UGGT2: variants seen among roughly 807,000 people sequenced by gnomAD.
UGGT2 encodes UDP-glucose:glycoprotein glucosyltransferase 2.
UGGT2 carries 180 observed loss-of-function variants against 192.1 expected under a neutral mutation model. That is an observed-to-expected ratio of 0.94 (90% CI 0.83 to 1.06). The LOEUF is 1.06. Ranked by LOEUF, UGGT2 falls within the 50% of genes least tolerant of loss-of-function variation. UGGT2 has a pLI of 0.00. For missense variants in UGGT2, 1,849 were observed against 1,795.7 expected, an observed-to-expected ratio of 1.03 and a Z score of -0.54; for synonymous variants, 580 against 591.0, an observed-to-expected ratio of 0.98 and a Z score of 0.27.
chr13:95,826,906 TA>T (rs1479016267), intron 38 of UGGT2, among the ~76,000 whole-genome samples: 2 of 151,118 alleles, frequency 1.3e-5, no homozygotes, highest in Non-Finnish European at 3.0e-5. Context: ...AAAAGAAGAG[TA>T]ATAAGGAAAG....
At chr13:96,025,835 C>T (rs1176371883) in intron 2 of UGGT2, among the ~76,000 whole-genome samples, 1 of 151,864 alleles carries the variant, frequency 6.6e-6, no homozygotes, top group East Asian at 1.9e-4. Context: ...CTAGAAAATA[C>T]AGATTAAATT....
At chr13:95,949,207 C>T in intron 13 of UGGT2, 128 bp downstream of exon 13, 2 of 926,650 alleles carry the variant, frequency 2.2e-6, no homozygotes, top group Non-Finnish European at 2.9e-6. Context: ...GCCACCTAAG[C>T]TTGCTGCTTC....
At chr13:95,981,137 T>C (rs1367548555) in intron 10 of UGGT2, among the ~76,000 whole-genome samples, 2 of 152,226 alleles carry the variant, frequency 1.3e-5, no homozygotes, top group Non-Finnish European at 2.9e-5. Flanking sequence ...CCAGGAGCTC[T>C]GCAGTACCCC....
In UGGT2 at chr13:95,837,074, A is replaced by G. The variant is rs1887369869; in HGVS notation, c.4401+12T>C. 2 of 1,577,884 alleles carry G rather than the reference A, an allele frequency of 1.3e-6. No individual in the cohort carries two copies. Among genetic ancestry groups the G allele is most frequent in the African/African-American group, 1.3e-5 (1 of 74,168 alleles). On this transcript the variant is annotated intron_variant, in intron 37 of 38. Transcript: ENST00000376747. ...TATCTGCTTACATACAAATGAAAAC[A>G]AAGACACTCACCAGATCAATTGTTT...
At chr13:95,886,121 G>A (rs139416971) in intron 26 of UGGT2, among the ~76,000 whole-genome samples, 81 of 152,248 alleles carry the variant, frequency 5.3e-4, no homozygotes, top group African/African-American at 1.8e-3. Flanking sequence ...AAACAGAGTG[G>A]GAATGTTTAA....
intron 1 of UGGT2, among the ~76,000 whole-genome samples, chr13:96,043,313 A>T (rs997000192): frequency 2.0e-5 from 3 of 152,218 alleles, no homozygotes; most frequent in Non-Finnish European, 2.9e-5. Flanking sequence ...AGACAAAAAA[A>T]TGCTGACAGA....
chr13:96,015,587 A>T (rs1200626639), intron 4 of UGGT2, among the ~76,000 whole-genome samples: 2 of 152,180 alleles, frequency 1.3e-5, no homozygotes, highest in African/African-American at 2.4e-5. Context: ...AAAATTAAAT[A>T]ATTATATTTA....
chr13:95,961,047 C>T (rs939684132), intron 12 of UGGT2, among the ~76,000 whole-genome samples: 1 of 152,036 alleles, frequency 6.6e-6, no homozygotes, highest in East Asian at 1.9e-4. Context: ...GAGTCCTATA[C>T]CCAGAAGTGA....
chr13:95,886,143 G>T (rs2047640888), intron 26 of UGGT2, among the ~76,000 whole-genome samples: 1 of 152,132 alleles, frequency 6.6e-6, no homozygotes, highest in Non-Finnish European at 1.5e-5. Flanking sequence ...TAAAAAAGAA[G>T]AAAGATGCCT....
At chr13:95,866,041 G>A (rs1344732165) in intron 30 of UGGT2, among the ~76,000 whole-genome samples, 1 of 152,150 alleles carries the variant, frequency 6.6e-6, no homozygotes, top group Non-Finnish European at 1.5e-5. Flanking sequence ...GCGTGTGTGT[G>A]TGTGTGTGTG....
chr13:96,030,387 T>C (rs566199092), intron 2 of UGGT2, among the ~76,000 whole-genome samples: 1 of 152,344 alleles, frequency 6.6e-6, no homozygotes, highest in African/African-American at 2.4e-5. Flanking sequence ...ATTCCCATCA[T>C]CTAAAGTACC....
chr13:95,854,426 G>T lies in UGGT2; in HGVS notation c.4058C>A (p.Ala1353Asp). 6.2e-7 allele frequency: 1 copy of T among 1,612,016 alleles called. No individual in the cohort carries two copies. The highest frequency in any genetic ancestry group is 8.5e-7 in the Non-Finnish European group (1 of 1,179,306). ...KELRDFDLDG[A>D]PYGYTPFCDS... is the part of the protein sequence containing the mutation. ...ACAAAATGGAGTATACCCATAAGGA[G>T]CTCCATCCAGATCGAAATCTCGAAG... Residue 1353 changes from alanine to aspartate, a missense_variant, in exon 35 of 39, where the codon GCT becomes GAT. Coordinates refer to ENST00000376747, the MANE Select transcript of UGGT2 (RefSeq NM_020121.4).
intron 26 of UGGT2, chr13:95,887,251 A>G (rs763282203): frequency 2.0e-6 from 1 of 512,074 alleles, no homozygotes; most frequent in South Asian, 1.4e-5. Context: ...TTAAAAAGCT[A>G]TACTAGTGCA....
At position 95,902,946 on chromosome 13, in the gene UGGT2, T is replaced by A; in HGVS notation, c.2410A>T (p.Met804Leu). ...ILAAFLTQKN[M>L]FLRSFLGQLA... is the part of the protein sequence containing the mutation. ...TGCCCAAGAAAGCTTCTCAAAAACA[T>A]GTTCTTCTGTGTAAGAAAAGCTGCC... The change falls in exon 21 of 39, where the codon ATG becomes TTG. Residue 804 changes from methionine to leucine, a missense_variant. Met to Leu is a conservative substitution (Grantham distance 15, BLOSUM62 2). Transcript: ENST00000376747. 5 of 1,613,620 alleles carry A rather than the reference T, an allele frequency of 3.1e-6. No homozygotes were observed. The highest frequency in any genetic ancestry group is 1.7e-4 in the Middle Eastern group (1 of 6,058).
chr13:95,948,809 T>C (rs2049965085), intron 13 of UGGT2, among the ~76,000 whole-genome samples: 1 of 152,230 alleles, frequency 6.6e-6, no homozygotes, highest in Admixed American at 6.5e-5. Context: ...TAATATGGTT[T>C]GGCTGTGTGC....
chr13:95,937,556 C>T (rs757698274), intron 16 of UGGT2, among the ~76,000 whole-genome samples: 2 of 152,152 alleles, frequency 1.3e-5, no homozygotes, highest in Non-Finnish European at 2.9e-5. Flanking sequence ...TTATTCAATC[C>T]TGCCACCTGC....
chr13:96,005,007 A>G (rs1000818836), intron 5 of UGGT2, among the ~76,000 whole-genome samples: 1 of 152,184 alleles, frequency 6.6e-6, no homozygotes, highest in South Asian at 2.1e-4. Context: ...GTTGGGGTAG[A>G]GAATGAGACT....
chr13:95,916,249 A>G (rs960084973), intron 20 of UGGT2, among the ~76,000 whole-genome samples: 1 of 152,206 alleles, frequency 6.6e-6, no homozygotes, highest in African/African-American at 2.4e-5. Context: ...ACCTCTGGGT[A>G]CAGGAAAAAC....
chr13:96,002,728 G>C (rs1348974508), intron 5 of UGGT2, among the ~76,000 whole-genome samples: 1 of 152,118 alleles, frequency 6.6e-6, no homozygotes, highest in Non-Finnish European at 1.5e-5. Context: ...TTAAAATTGA[G>C]AATGTGAAGA....
Sources: allele counts gnomAD v4.1 joint callset (sites outside exome capture counted in the v4.1 genomes callset), GRCh38; gene constraint gnomAD v4.1.1; transcripts MANE v1.5; gene names NCBI Gene and HGNC (gene_info 2026-07-23, HGNC 2026-07-21).